The following SULT2B1 variants were observed in gnomAD, a reference collection of about 807,000 sequenced individuals.
SULT2B1 encodes the protein sulfotransferase family 2B member 1.
SULT2B1 carries 16 observed loss-of-function variants against 33.2 expected under a neutral mutation model. The observed-to-expected ratio is 0.48, with a 90% CI of 0.33 to 0.73. SULT2B1 has a LOEUF of 0.73. Among genes scored for constraint, SULT2B1 ranks in the 30% least tolerant of loss-of-function variants. SULT2B1 has a pLI of 0.02. For synonymous variants in SULT2B1, 186 were observed against 200.5 expected (o/e 0.93, Z 0.61); for missense variants, 500 against 506.0 (o/e 0.99, Z 0.11).
intron 2 of SULT2B1, among the ~76,000 whole-genome samples, chr19:48,585,940 C>T (rs547027264): frequency 7.2e-5 from 11 of 151,942 alleles, no homozygotes; most frequent in African/African-American, 2.4e-4. Context: ...TAAAGGAGTG[C>T]CTGCTGGGCA....
At chr19:48,569,361 A>AAAAAAATATAT (rs1568405757) in intron 1 of SULT2B1, among the ~76,000 whole-genome samples, 1 of 9,968 alleles carries the variant, frequency 1.0e-4, no homozygotes, top group African/African-American at 4.9e-4. Flanking sequence ...AAAAAAAAAA[A>AAAAAAATATAT]ACATATATAT....
chr19:48,581,263 C>T (rs1429788671), intron 2 of SULT2B1, among the ~76,000 whole-genome samples: 3 of 148,664 alleles, frequency 2.0e-5, no homozygotes, highest in African/African-American at 5.0e-5. Context: ...AGGCTGGTCT[C>T]GAACTCCCAA....
chr19:48,575,650 T>G, intron 1 of SULT2B1: 1 of 245,576 alleles, frequency 4.1e-6, no homozygotes, highest in Non-Finnish European at 7.8e-6. Flanking sequence ...CTGGCTGATT[T>G]TTGTCTTTTT....
intron 1 of SULT2B1, among the ~76,000 whole-genome samples, chr19:48,563,162 G>A (rs747655388): frequency 1.6e-4 from 25 of 152,050 alleles, no homozygotes; most frequent in Middle Eastern, 3.2e-3. Context: ...CCATTCTCCC[G>A]CCTTGGCTTC....
intron 1 of SULT2B1, among the ~76,000 whole-genome samples, chr19:48,573,128 G>A (rs190188514): frequency 6.8e-6 from 1 of 147,408 alleles, no homozygotes; most frequent in Non-Finnish European, 1.5e-5. Context: ...CTGTACTCCA[G>A]CCTGGTGACA....
At position 48,591,339 on chromosome 19, in the gene SULT2B1, C is replaced by T. The variant is rs1294978080; in HGVS notation, c.424-270C>T. The T allele has an allele frequency of 2.1e-5, 6 of 286,038 alleles. No individual in the cohort carries two copies. In the Admixed American group the frequency reaches 2.4e-4, roughly 12 times the overall value. 17.7% of individuals were successfully genotyped at this position (286,038 alleles called of 1,614,324 possible). A position where few individuals can be genotyped will look rare whatever the true frequency, so the allele number is the denominator to read the frequency against. On this transcript the variant is annotated intron_variant, in intron 3 of 6. Transcript: ENST00000201586. ...TACAAAAATTATCCTGATGTGGTGG[C>T]ACGCTCCTGTAGTCCCAGCTACTCA...
chr19:48,596,893 A>G lies in SULT2B1; in HGVS notation c.800A>G (p.His267Arg). ...CTGCTGCCTCCCAGCCTGCTGGACC[A>G]CCGTCGCGGGGCCTTCCTCCGGAAA... ...YTLLPPSLLD[H>R]RRGAFLRKGV... The change falls in exon 6 of 7, where the codon CAC becomes CGC. Residue 267 changes from histidine (H) to arginine (R), a missense_variant. By Grantham distance (29) the His-to-Arg change is conservative. Transcript: ENST00000201586. 1 of 1,602,284 alleles carries G rather than the reference A, an allele frequency of 6.2e-7. No individual in the cohort carries two copies. Among genetic ancestry groups the G allele is most frequent in the Non-Finnish European group, 8.5e-7 (1 of 1,178,202 alleles).
At chr19:48,560,101 G>A (rs921844885) in intron 1 of SULT2B1, among the ~76,000 whole-genome samples, 8 of 152,118 alleles carry the variant, frequency 5.3e-5, no homozygotes, top group African/African-American at 1.7e-4. Flanking sequence ...TCTGTGAAAC[G>A]GGCAATGACC....
intron 3 of SULT2B1, chr19:48,591,011 T>G (rs894314344): frequency 6.6e-6 from 1 of 152,114 alleles, no homozygotes; most frequent in African/African-American, 2.4e-5. Flanking sequence ...TTTTGTATTC[T>G]TTGTAGAATG....
chr19:48,595,094 C>T (rs1346627761), intron 5 of SULT2B1, among the ~76,000 whole-genome samples: 1 of 151,948 alleles, frequency 6.6e-6, no homozygotes, highest in Admixed American at 6.6e-5. Context: ...ACTACCCTGA[C>T]CAACATGGAG....
At chr19:48,562,563 A>T (rs531430725) in intron 1 of SULT2B1, among the ~76,000 whole-genome samples, 9 of 152,264 alleles carry the variant, frequency 5.9e-5, no homozygotes, top group South Asian at 4.1e-4. Context: ...AAATAAATAC[A>T]TAAATAGAAA....
rs193139860 is a variant in SULT2B1, at chr19:48,563,951, C to T, written c.71+11628C>T. ...TGAACTCCAGCCTGGGCAACAGAGA[C>T]TTCCTCTCAAAAAAAAAAAAAAACA... On this transcript the variant is annotated intron_variant, in intron 1 of 6. Coordinates refer to ENST00000201586, the MANE Select transcript of SULT2B1 (RefSeq NM_177973.2). Among the ~76,000 whole-genome samples the T allele has an allele frequency of 1.6e-4, 21 of 129,246 alleles. No individual in the cohort carries two copies. In the East Asian group the frequency reaches 3.9e-3, roughly 24 times the overall value. The allele number at this position is 129,246 out of a possible 152,430, so 84.8% of individuals were successfully genotyped here.
At chr19:48,565,710 G>A (rs1453891614) in intron 1 of SULT2B1, among the ~76,000 whole-genome samples, 1 of 151,852 alleles carries the variant, frequency 6.6e-6, no homozygotes, top group Admixed American at 6.6e-5. Context: ...TGTTTTAATA[G>A]AAGTTTACCT....
intron 1 of SULT2B1, among the ~76,000 whole-genome samples, chr19:48,572,328 C>T (rs1973342249): frequency 6.6e-6 from 1 of 152,052 alleles, no homozygotes; most frequent in South Asian, 2.1e-4. Flanking sequence ...TCCTGGCTAA[C>T]ACAGTGAAAC....
intron 1 of SULT2B1, among the ~76,000 whole-genome samples, chr19:48,568,317 C>A (rs1463635483): frequency 6.6e-6 from 1 of 151,498 alleles, no homozygotes; most frequent in Non-Finnish European, 1.5e-5. Context: ...TAAAAAGGGC[C>A]GCAAAGGAGG....
chr19:48,582,798 G>A (rs10421116), intron 2 of SULT2B1, among the ~76,000 whole-genome samples: 33,559 of 151,110 alleles, frequency 0.22, 4,819 homozygotes, highest in African/African-American at 0.41. Flanking sequence ...AGCCAAGATC[G>A]TACCAATGCA....
At chr19:48,554,388 T>C (rs1038668417) in intron 1 of SULT2B1, among the ~76,000 whole-genome samples, 1 of 144,910 alleles carries the variant, frequency 6.9e-6, no homozygotes, top group African/African-American at 2.6e-5. Flanking sequence ...GGGCTTCTCC[T>C]GGCCCCGACT....
At chr19:48,581,895 AT>A (rs1443177179) in intron 2 of SULT2B1, among the ~76,000 whole-genome samples, 17 of 137,016 alleles carry the variant, frequency 1.2e-4, no homozygotes, top group African/African-American at 2.6e-4. Context: ...TTATTATATT[AT>A]TATTATTATT....
At chr19:48,570,718 G>GTATC (rs1973311307) in intron 1 of SULT2B1, among the ~76,000 whole-genome samples, 1 of 151,234 alleles carries the variant, frequency 6.6e-6, no homozygotes, top group Non-Finnish European at 1.5e-5. Flanking sequence ...TTTGTTTTCC[G>GTATC]TTTTTGTTTT....
Sources: allele counts gnomAD v4.1 joint callset (sites outside exome capture counted in the v4.1 genomes callset), GRCh38; gene constraint gnomAD v4.1.1; transcripts MANE v1.5; gene names NCBI Gene and HGNC (gene_info 2026-07-23, HGNC 2026-07-21).